TSPAN9: variants seen among roughly 807,000 people sequenced by gnomAD.
TSPAN9 encodes the protein tetraspanin-9.
TSPAN9 carries 16 observed loss-of-function variants against 31.0 expected under a neutral mutation model. That is an observed-to-expected ratio of 0.52 (90% CI 0.35 to 0.78). The LOEUF (loss-of-function observed/expected upper bound fraction) is 0.78, where lower values mean the gene tolerates loss of function less well. TSPAN9 is among the 30% of genes least tolerant of loss of function. The pLI, the probability that TSPAN9 is intolerant of heterozygous loss-of-function variation, is 0.01. For synonymous variants in TSPAN9, 145 were observed against 121.6 expected, an observed-to-expected ratio of 1.19 and a Z score of -1.27; for missense variants, 272 against 312.5, an observed-to-expected ratio of 0.87 and a Z score of 0.98.
At chr12:3,086,865 C>T (rs562276630) in intron 2 of TSPAN9, among the ~76,000 whole-genome samples, 1 of 152,370 alleles carries the variant, frequency 6.6e-6, no homozygotes, top group African/African-American at 2.4e-5. Context: ...CTTGAGCCCT[C>T]GTGGGCAGTG....
intron 3 of TSPAN9, among the ~76,000 whole-genome samples, chr12:3,223,529 C>T (rs377568551): frequency 3.9e-5 from 6 of 152,274 alleles, no homozygotes; most frequent in Admixed American, 6.5e-5. Flanking sequence ...GTAACAGCCC[C>T]AAGACCGTCC....
intron 2 of TSPAN9, among the ~76,000 whole-genome samples, chr12:3,128,498 A>G (rs1217550255): frequency 6.6e-6 from 1 of 152,180 alleles, no homozygotes; most frequent in Non-Finnish European, 1.5e-5. Flanking sequence ...CCAAGGCAGG[A>G]GGATTGCTTG....
intron 1 of TSPAN9, among the ~76,000 whole-genome samples, chr12:3,081,693 C>T (rs1039909025): frequency 7.2e-5 from 11 of 151,774 alleles, no homozygotes; most frequent in Admixed American, 1.3e-4. Context: ...GGGCTGGATG[C>T]GGTGCCTCAC....
At chr12:3,081,627 G>A (rs923453131) in intron 1 of TSPAN9, among the ~76,000 whole-genome samples, 1 of 151,828 alleles carries the variant, frequency 6.6e-6, no homozygotes, top group Non-Finnish European at 1.5e-5. Context: ...TCCTTGGGTG[G>A]TTCTCTAGTG....
intron 2 of TSPAN9, among the ~76,000 whole-genome samples, chr12:3,197,173 G>T (rs1294508236): frequency 6.6e-6 from 1 of 152,184 alleles, no homozygotes; most frequent in Non-Finnish European, 1.5e-5. Flanking sequence ...CCTTGCCCTT[G>T]ATCACACAGC....
chr12:3,098,075 C>T (rs66707615), intron 2 of TSPAN9, among the ~76,000 whole-genome samples: 16,860 of 152,194 alleles, frequency 0.11, 1,167 homozygotes, highest in East Asian at 0.35. Context: ...AGAGTGCAGC[C>T]GGATGTGACA....
intron 2 of TSPAN9, chr12:3,173,611 T>A (rs1407345853): frequency 1.3e-5 from 2 of 152,234 alleles, no homozygotes; most frequent in Admixed American, 1.3e-4. Flanking sequence ...TCCTCCAACC[T>A]CAGCCTTCCA....
At chr12:3,230,154 TCA>T (rs2153975964) in intron 3 of TSPAN9, among the ~76,000 whole-genome samples, 1 of 152,356 alleles carries the variant, frequency 6.6e-6, no homozygotes, top group South Asian at 2.1e-4. Flanking sequence ...GGCGTCCCCA[TCA>T]CTGGTCTCTC....
At position 3,281,226 on chromosome 12, in the gene TSPAN9, C is replaced by T; in HGVS notation, c.461C>T (p.Thr154Ile). Reference protein sequence around the residue: ...EMRCCGVTDYTDWYPVLGENT... With the variant: ...EMRCCGVTDYIDWYPVLGENT... ...CGATGCTGTGGTGTCACTGACTACA[C>T]AGACTGGTACCCAGTGCTGGGGGAG... The change falls in exon 7 of 9, where the codon ACA becomes ATA. Residue 154 changes from threonine (T) to isoleucine (I), a missense_variant. Transcript: ENST00000011898. The T allele has an allele frequency of 1.3e-6, 2 of 1,551,334 alleles. No individual in the cohort carries two copies. Among genetic ancestry groups the T allele is most frequent in the East Asian group, 2.4e-5 (1 of 40,932 alleles).
chr12:3,191,964 T>C (rs1261383739), intron 2 of TSPAN9, among the ~76,000 whole-genome samples: 1 of 152,110 alleles, frequency 6.6e-6, no homozygotes, highest in East Asian at 1.9e-4. Context: ...TCTTCAATAA[T>C]TCACAAGAGC....
At chr12:3,090,256 A>G (rs142953527) in intron 2 of TSPAN9, among the ~76,000 whole-genome samples, 25 of 152,306 alleles carry the variant, frequency 1.6e-4, no homozygotes, top group Non-Finnish European at 2.4e-4. Flanking sequence ...ATTTTGTTCC[A>G]TTCATCACTG....
chr12:3,088,888 T>TGGC (rs2098302226), intron 2 of TSPAN9, among the ~76,000 whole-genome samples: 1 of 151,498 alleles, frequency 6.6e-6, no homozygotes, highest in Non-Finnish European at 1.5e-5. Flanking sequence ...CGCGGGAGGC[T>TGGC]GGTGGTGGGA....
intron 2 of TSPAN9, among the ~76,000 whole-genome samples, chr12:3,189,559 G>C (rs2098363225): frequency 6.6e-6 from 1 of 152,170 alleles, no homozygotes; most frequent in South Asian, 2.1e-4. Flanking sequence ...AACAGGAACA[G>C]ACCTGGGCTG....
At chr12:3,097,693 G>GC (rs998207424) in intron 2 of TSPAN9, among the ~76,000 whole-genome samples, 6 of 152,214 alleles carry the variant, frequency 3.9e-5, no homozygotes, top group African/African-American at 1.4e-4. Flanking sequence ...CAGAGGAATG[G>GC]CTCCCCCCGC....
chr12:3,185,854 A>G (rs1236952411), intron 2 of TSPAN9, among the ~76,000 whole-genome samples: 1 of 152,138 alleles, frequency 6.6e-6, no homozygotes, highest in Admixed American at 6.5e-5. Context: ...GCTGGTGCAG[A>G]GGGGAAGCAA....
intron 2 of TSPAN9, among the ~76,000 whole-genome samples, chr12:3,153,212 A>T (rs1489191569): frequency 2.0e-5 from 3 of 152,232 alleles, no homozygotes; most frequent in Non-Finnish European, 2.9e-5. Flanking sequence ...AGCCCTTATC[A>T]TCATGTGCTA....
intron 2 of TSPAN9, among the ~76,000 whole-genome samples, chr12:3,122,064 C>T (rs2098325388): frequency 6.6e-6 from 1 of 152,162 alleles, no homozygotes; most frequent in South Asian, 2.1e-4. Context: ...TGGCCGGGCG[C>T]GTGGCTCACG....
intron 2 of TSPAN9, among the ~76,000 whole-genome samples, chr12:3,148,467 T>G (rs532411322): frequency 6.6e-6 from 1 of 152,322 alleles, no homozygotes; most frequent in East Asian, 1.9e-4. Context: ...CTGGGGTTCC[T>G]CCTTCAGCAC....
At position 3,178,622 on chromosome 12, in the gene TSPAN9, C is replaced by T. The variant is rs556235010; in HGVS notation, c.-17-22555C>T. On this transcript the variant is annotated intron_variant, in intron 2 of 8. Coordinates refer to ENST00000011898, the MANE Select transcript of TSPAN9 (RefSeq NM_006675.5). Reference sequence around the variant, plus strand: ...AGGGGTTTCTGATGCTCGTGCTTATCCCGGTGCCTGACGCTTAGTAGGCAC... The same window carrying T: ...AGGGGTTTCTGATGCTCGTGCTTATTCCGGTGCCTGACGCTTAGTAGGCAC... Among the ~76,000 whole-genome samples, 215 of 152,338 alleles carry T rather than the reference C, an allele frequency of 1.4e-3. 1 individual carries two copies. The highest frequency in any genetic ancestry group is 5.0e-3 in the African/African-American group (206 of 41,586).
Sources: gnomAD v4.1 joint callset for allele counts (sites outside exome capture counted in the v4.1 genomes callset) on GRCh38, gnomAD v4.1.1 for gene constraint, MANE v1.5 for transcripts, NCBI Gene and HGNC (gene_info 2026-07-23, HGNC 2026-07-21) for gene names.